Variants in TTBK2 observed in about 807,000 individuals in gnomAD.
The protein encoded by TTBK2 is tau-tubulin kinase 2.
In TTBK2, 28 loss-of-function variants were observed where a neutral mutation model predicts 110.8. That is an observed-to-expected ratio of 0.25 (90% CI 0.19 to 0.35). The LOEUF (loss-of-function observed/expected upper bound fraction) is 0.35. TTBK2 is among the 10% of genes least tolerant of loss of function. The pLI, the probability that TTBK2 is intolerant of heterozygous loss-of-function variation, is 1.00. For missense variants in TTBK2, 1,369 were observed against 1,500.3 expected, an observed-to-expected ratio of 0.91 and a Z score of 1.45; for synonymous variants, 532 against 527.3, an observed-to-expected ratio of 1.01 and a Z score of -0.12.
chr15:42,823,949 G>C (rs1383756672), intron 6 of TTBK2, among the ~76,000 whole-genome samples: 3 of 152,126 alleles, frequency 2.0e-5, no homozygotes, highest in Admixed American at 6.5e-5. Flanking sequence ...ACCAGCATCT[G>C]CTTCTGGTGA....
intron 10 of TTBK2, among the ~76,000 whole-genome samples, chr15:42,788,128 G>T (rs1201513636): frequency 6.6e-6 from 1 of 152,056 alleles, no homozygotes; most frequent in Non-Finnish European, 1.5e-5. Flanking sequence ...TATATGCGGT[G>T]TATCACTGAT....
At chr15:42,804,030 A>AAAAAG (rs1555426199) in intron 9 of TTBK2, among the ~76,000 whole-genome samples, 37 of 127,258 alleles carry the variant, frequency 2.9e-4, no homozygotes, top group Non-Finnish European at 3.4e-4. Flanking sequence ...AAAAAAAAAA[A>AAAAAG]AGAGAGAGAT....
intron 1 of TTBK2, among the ~76,000 whole-genome samples, chr15:42,879,211 T>C (rs1894939185): frequency 6.6e-6 from 1 of 152,032 alleles, no homozygotes; most frequent in Non-Finnish European, 1.5e-5. Context: ...ACAGCATACC[T>C]GTAGAAAATG....
rs1567040790 is a variant in TTBK2 at position 42,816,085 on chromosome 15, A to ATATATATAT, written c.603+946_603+947insATATATATA. On this transcript the variant is annotated intron_variant, in intron 7 of 14. Transcript: ENST00000267890. The stretch of plus-strand genomic sequence containing the variant: ...ATATATATATAAAAATAAATAAATA[A>ATATATATAT]ATATATATATATATATATATATATA... 9.8e-3 allele frequency among the ~76,000 whole-genome samples: 663 copies of ATATATATAT among 67,326 alleles called. 24 individuals are homozygous for ATATATATAT. Among genetic ancestry groups the ATATATATAT allele is most frequent in the African/African-American group, 0.015 (192 of 13,122 alleles). The allele number at this position is 67,326 out of a possible 152,430, so 44.2% of individuals were successfully genotyped here. A position where few individuals can be genotyped will look rare whatever the true frequency, so the allele number is the denominator to read the frequency against.
At chr15:42,747,477 G>C (rs1029085571) in intron 14 of TTBK2, among the ~76,000 whole-genome samples, 60 of 152,306 alleles carry the variant, frequency 3.9e-4, no homozygotes, top group African/African-American at 1.4e-3. Flanking sequence ...GGAGGGGCAA[G>C]GATGGTTTCA....
In TTBK2 at chr15:42,745,598, T is replaced by C; in HGVS notation, c.*197A>G. The C allele has an allele frequency of 1.5e-6, 1 of 677,182 alleles. No homozygotes were observed. The highest frequency in any genetic ancestry group is 2.8e-5 in the East Asian group (1 of 35,782). 41.9% of individuals were successfully genotyped at this position (677,182 alleles called of 1,614,324 possible). On this transcript the variant is annotated 3_prime_UTR_variant, in exon 15 of 15. Coordinates refer to ENST00000267890, the MANE Select transcript of TTBK2 (RefSeq NM_173500.4). ...ATTTTTCCTTCTTGTACAAAGACAT[T>C]GATTCCTAATCTACTTGCTGCCTGC...
chr15:42,803,908 T>A (rs891445303), intron 9 of TTBK2, among the ~76,000 whole-genome samples: 1 of 149,004 alleles, frequency 6.7e-6, no homozygotes, highest in African/African-American at 2.5e-5. Context: ...ACACCTGTGG[T>A]CCTAGCTACT....
chr15:42,769,543 T>G (rs1378962907), intron 13 of TTBK2, among the ~76,000 whole-genome samples: 2 of 151,920 alleles, frequency 1.3e-5, no homozygotes, highest in Non-Finnish European at 1.5e-5. Context: ...GAAATGCAAA[T>G]CAAAACCACA....
chr15:42,846,127 G>GAA (rs59101747), intron 3 of TTBK2, among the ~76,000 whole-genome samples: 7 of 142,562 alleles, frequency 4.9e-5, no homozygotes, highest in African/African-American at 1.8e-4. Context: ...ATAATTACAG[G>GAA]AAAAAAAAAA....
intron 10 of TTBK2, among the ~76,000 whole-genome samples, chr15:42,789,810 C>G (rs1890569547): frequency 6.7e-6 from 1 of 149,276 alleles, no homozygotes; most frequent in Non-Finnish European, 1.5e-5. Flanking sequence ...TATACATCAT[C>G]TATATTCCAT....
chr15:42,871,584 G>A (rs1326533336), intron 3 of TTBK2: 1 of 985,158 alleles, frequency 1.0e-6, no homozygotes, highest in African/African-American at 1.7e-5. Flanking sequence ...GGAAGATGTA[G>A]CTCTGGCTGT....
At chr15:42,778,541 G>A (rs907875459) in intron 11 of TTBK2, among the ~76,000 whole-genome samples, 2 of 152,066 alleles carry the variant, frequency 1.3e-5, no homozygotes, top group Non-Finnish European at 2.9e-5. Context: ...GGTGGCACAC[G>A]CCTGTAATCC....
chr15:42,807,590 T>TG (rs61410316), intron 9 of TTBK2, among the ~76,000 whole-genome samples: 9,893 of 123,220 alleles, frequency 0.08, 934 homozygotes, highest in African/African-American at 0.32. Flanking sequence ...TTTTGTTGTT[T>TG]TTTGTTGTTG....
intron 6 of TTBK2, among the ~76,000 whole-genome samples, chr15:42,820,961 G>A (rs1317597130): frequency 4.6e-5 from 7 of 152,118 alleles, no homozygotes; most frequent in South Asian, 2.1e-4. Context: ...TGTGGCAGGA[G>A]GACTGCTGAG....
At chr15:42,774,861 A>C (rs945919223) in intron 13 of TTBK2, among the ~76,000 whole-genome samples, 6 of 152,248 alleles carry the variant, frequency 3.9e-5, no homozygotes, top group Non-Finnish European at 8.8e-5. Flanking sequence ...ACACACATAG[A>C]TAGCTAGCGC....
At chr15:42,880,379 G>C (rs954482808) in intron 1 of TTBK2, among the ~76,000 whole-genome samples, 11 of 152,078 alleles carry the variant, frequency 7.2e-5, no homozygotes, top group African/African-American at 2.7e-4. Flanking sequence ...AAGACCAGCA[G>C]TTTCTTTTCT....
At chr15:42,869,426 G>A (rs1458549866) in intron 3 of TTBK2, among the ~76,000 whole-genome samples, 3 of 150,166 alleles carry the variant, frequency 2.0e-5, no homozygotes, top group African/African-American at 7.3e-5. Context: ...AAAAAAACCT[G>A]GTGTGTTGAG....
At chr15:42,846,473 T>C (rs1893470846) in intron 3 of TTBK2, among the ~76,000 whole-genome samples, 1 of 152,146 alleles carries the variant, frequency 6.6e-6, no homozygotes, top group African/African-American at 2.4e-5. Context: ...TGAGCCACCA[T>C]GCCCAGCCTT....
chr15:42,783,390 A>C, intron 11 of TTBK2, 29 bp downstream of exon 11: 1 of 1,601,488 alleles, frequency 6.2e-7, no homozygotes, highest in Non-Finnish European at 8.6e-7. Flanking sequence ...GTAAGAAATA[A>C]ATTTCTGTTG....
Sources: gnomAD v4.1 joint callset for allele counts (sites outside exome capture counted in the v4.1 genomes callset) on GRCh38, gnomAD v4.1.1 for gene constraint, MANE v1.5 for transcripts, NCBI Gene and HGNC (gene_info 2026-07-23, HGNC 2026-07-21) for gene names.